Variants in CACNA2D3 observed in about 807,000 individuals in gnomAD.
The protein encoded by CACNA2D3 is voltage-dependent calcium channel subunit alpha-2/delta-3.
Under a neutral mutation model 160.6 loss-of-function variants are expected in CACNA2D3, and 60 were observed. The observed-to-expected ratio is 0.37, with a 90% CI of 0.30 to 0.46. The LOEUF is 0.46. Ranked by LOEUF, CACNA2D3 falls within the 20% of genes least tolerant of loss-of-function variation. The pLI, the probability that CACNA2D3 is intolerant of heterozygous loss-of-function variation, is 1.00. For synonymous variants in CACNA2D3, 558 were observed against 492.9 expected (o/e 1.13, Z -1.75); for missense variants, 1,205 against 1,365.0 (o/e 0.88, Z 1.85).
chr3:54,665,383 C>T (rs974761894), intron 11 of CACNA2D3, among the ~76,000 whole-genome samples: 3 of 152,178 alleles, frequency 2.0e-5, no homozygotes, highest in African/African-American at 7.2e-5. Flanking sequence ...AGCGGTCTGT[C>T]GCATAGCATG....
chr3:54,808,340 G>A (rs929772760), intron 13 of CACNA2D3, among the ~76,000 whole-genome samples: 10 of 152,170 alleles, frequency 6.6e-5, no homozygotes, highest in African/African-American at 9.7e-5. Flanking sequence ...TGGGTGCTGA[G>A]CTCTGCCATG....
chr3:54,950,133 C>G (rs1180771543), intron 27 of CACNA2D3, among the ~76,000 whole-genome samples: 5 of 152,182 alleles, frequency 3.3e-5, no homozygotes, highest in Non-Finnish European at 5.9e-5. Flanking sequence ...AAATGGGAGT[C>G]ATAAGTGAAA....
At chr3:54,622,471 T>A (rs970037815) in intron 9 of CACNA2D3, among the ~76,000 whole-genome samples, 9 of 152,292 alleles carry the variant, frequency 5.9e-5, no homozygotes, top group Admixed American at 3.9e-4. Context: ...GAGATGGGGT[T>A]TCACCATGTT....
intron 9 of CACNA2D3, among the ~76,000 whole-genome samples, chr3:54,606,596 C>A (rs543409060): frequency 6.6e-6 from 1 of 151,912 alleles, no homozygotes; most frequent in Non-Finnish European, 1.5e-5. Flanking sequence ...TGCCATTTGC[C>A]GAGATGAGGA....
At chr3:54,321,190 GGT>G in intron 3 of CACNA2D3, among the ~76,000 whole-genome samples, 1 of 151,884 alleles carries the variant, frequency 6.6e-6, no homozygotes, top group Non-Finnish European at 1.5e-5. Flanking sequence ...TGTGTTGGTG[GGT>G]GCCTGTAATC....
chr3:54,949,579 A>G (rs1701703479), intron 27 of CACNA2D3, among the ~76,000 whole-genome samples: 1 of 152,184 alleles, frequency 6.6e-6, no homozygotes, highest in Non-Finnish European at 1.5e-5. Context: ...TGCCATACCC[A>G]AGGGGCAGCA....
At chr3:54,429,676 A>G (rs571562063) in intron 4 of CACNA2D3, among the ~76,000 whole-genome samples, 1 of 151,908 alleles carries the variant, frequency 6.6e-6, no homozygotes, top group Non-Finnish European at 1.5e-5. Flanking sequence ...ACTTTGCCAG[A>G]CTCTACTCAA....
intron 35 of CACNA2D3, among the ~76,000 whole-genome samples, chr3:55,057,070 G>A (rs939481846): frequency 3.3e-5 from 5 of 152,078 alleles, no homozygotes; most frequent in Admixed American, 2.6e-4. Context: ...GTCATGGGAG[G>A]GACCCGGTGG....
rs140293502 is a variant in CACNA2D3 at position 54,647,193 on chromosome 3, G to A, written c.1167+4952G>A. On this transcript the variant is annotated intron_variant, in intron 11 of 37. Transcript: ENST00000474759. ...TGAGCAGAGGACCCAGCTTGTTTGT[G>A]CCCCAACTCCTGACCCACAAAAACT... Among the ~76,000 whole-genome samples the A allele has an allele frequency of 9.3e-3, 1,414 of 152,252 alleles. 10 individuals carry two copies. Among genetic ancestry groups the A allele is most frequent in the Middle Eastern group, 0.044 (13 of 294 alleles).
chr3:54,631,342 A>G (rs1394364547), intron 10 of CACNA2D3, among the ~76,000 whole-genome samples: 1 of 152,162 alleles, frequency 6.6e-6, no homozygotes, highest in African/African-American at 2.4e-5. Flanking sequence ...CATATCATCT[A>G]TTGCCAGTGA....
chr3:54,793,842 A>G (rs2106653621), intron 13 of CACNA2D3, among the ~76,000 whole-genome samples: 1 of 152,334 alleles, frequency 6.6e-6, no homozygotes, highest in East Asian at 1.9e-4. Flanking sequence ...CATTAATGAA[A>G]CTATTTGAGC....
chr3:54,287,491 C>T (rs1037403784), intron 2 of CACNA2D3, among the ~76,000 whole-genome samples: 2 of 150,030 alleles, frequency 1.3e-5, no homozygotes, highest in Non-Finnish European at 3.0e-5. Context: ...ACTTTAACAC[C>T]CCACTGTCAA....
rs58291013 is a variant in CACNA2D3 at position 54,829,885 on chromosome 3, C to CTTTTTT, written c.1399-7252_1399-7247dup. 1.1e-3 allele frequency among the ~76,000 whole-genome samples: 68 copies of CTTTTTT among 64,348 alleles called. 8 individuals are homozygous for CTTTTTT. The highest frequency in any genetic ancestry group is 2.0e-3 in the East Asian group (4 of 1,958). The allele number at this position is 64,348 out of a possible 152,430, so 42.2% of individuals were successfully genotyped here. ...CATATCTTTTCTTCTTCTTCTTCAT[C>CTTTTTT]TTTTTTTTTTTTTTTTTTTTTTTTT... On this transcript the variant is annotated intron_variant, in intron 14 of 37. Coordinates refer to ENST00000474759, the MANE Select transcript of CACNA2D3 (RefSeq NM_018398.3).
chr3:54,470,980 C>T (rs1700720361), intron 4 of CACNA2D3, among the ~76,000 whole-genome samples: 1 of 152,058 alleles, frequency 6.6e-6, no homozygotes, highest in Admixed American at 6.6e-5. Flanking sequence ...CTTTAACATA[C>T]CACTGTCAAT....
intron 35 of CACNA2D3, among the ~76,000 whole-genome samples, chr3:55,039,929 A>G (rs1325735157): frequency 6.6e-6 from 1 of 152,154 alleles, no homozygotes; most frequent in Non-Finnish European, 1.5e-5. Context: ...TCTTGGATTC[A>G]TACTTGTACC....
intron 31 of CACNA2D3, among the ~76,000 whole-genome samples, chr3:55,002,333 G>T (rs1031847387): frequency 2.6e-5 from 4 of 152,208 alleles, no homozygotes; most frequent in African/African-American, 9.7e-5. Flanking sequence ...GCATTGGGCA[G>T]TGGGAAAAGG....
intron 17 of CACNA2D3, among the ~76,000 whole-genome samples, chr3:54,870,714 T>C (rs2106819052): frequency 6.6e-6 from 1 of 152,280 alleles, no homozygotes; most frequent in East Asian, 1.9e-4. Flanking sequence ...TCCGGAGAAA[T>C]GCCCTAACAG....
chr3:54,648,129 G>C (rs533661134), intron 11 of CACNA2D3, among the ~76,000 whole-genome samples: 138 of 152,350 alleles, frequency 9.1e-4, no homozygotes, highest in African/African-American at 3.1e-3. Flanking sequence ...GTAAGAAAAT[G>C]ATTAGCCAGG....
intron 3 of CACNA2D3, among the ~76,000 whole-genome samples, chr3:54,382,520 C>T (rs796785033): frequency 9.9e-5 from 15 of 152,280 alleles, no homozygotes; most frequent in Admixed American, 4.6e-4. Flanking sequence ...CAGTGACTCA[C>T]GCCTGTAATC....
Sources: gnomAD v4.1 joint callset for allele counts (sites outside exome capture counted in the v4.1 genomes callset) on GRCh38, gnomAD v4.1.1 for gene constraint, MANE v1.5 for transcripts, NCBI Gene and HGNC (gene_info 2026-07-23, HGNC 2026-07-21) for gene names.